The following CATSPERE variants were observed in gnomAD, a reference collection of about 807,000 sequenced individuals.
CATSPERE encodes the protein cation channel sperm-associated auxiliary subunit epsilon.
Under a neutral mutation model 114.1 loss-of-function variants are expected in CATSPERE, and 93 were observed. That is an observed-to-expected ratio of 0.81 (90% CI 0.69 to 0.97). The LOEUF is 0.97. Ranked by LOEUF, CATSPERE falls within the 50% of genes least tolerant of loss-of-function variation. The pLI, the probability that CATSPERE is intolerant of heterozygous loss-of-function variation, is 0.00. For synonymous variants in CATSPERE, 341 were observed against 384.1 expected, an observed-to-expected ratio of 0.89 and a Z score of 1.31; for missense variants, 1,058 against 1,131.6, an observed-to-expected ratio of 0.93 and a Z score of 0.93.
At position 244,560,770 on chromosome 1, in the gene CATSPERE, A is replaced by G; in HGVS notation, c.1132A>G (p.Lys378Glu). The G allele has an allele frequency of 6.2e-7, 1 of 1,614,072 alleles. No individual in the cohort carries two copies. The highest frequency in any genetic ancestry group is 1.1e-5 in the South Asian group (1 of 91,070). Residue 378 changes from lysine (K) to glutamate (E), a missense_variant, in exon 10 of 22, where the codon AAA becomes GAA. Physicochemically the swap from Lys to Glu is moderately conservative, Grantham distance 56. Coordinates refer to ENST00000366534, the MANE Select transcript of CATSPERE (RefSeq NM_001130957.2). ...CAGATTAGTAACTACCACAGAACTG[A>G]AAAACATCCTAAGTCTATCGGTGAC... is the stretch of plus-strand genomic sequence containing the variant. ...FARLVTTTEL[K>E]NILSLSVTAT...
At position 244,461,307 on chromosome 1, in the gene CATSPERE, GC is replaced by G. The variant is rs1666711822; in HGVS notation, c.-120del. On this transcript the variant is annotated 5_prime_UTR_variant, in exon 1 of 22. Coordinates refer to ENST00000366534, the MANE Select transcript of CATSPERE (RefSeq NM_001130957.2). ...CCTCGCTGGTCTTCAGGCCCGGCCC[GC>G]CCTGTCCAGAGGCGCCGGGACCCAG... 1 of 818,670 alleles carries G rather than the reference GC, an allele frequency of 1.2e-6. No homozygotes were observed. Among genetic ancestry groups the G allele is most frequent in the Non-Finnish European group, 1.7e-6 (1 of 604,502 alleles). The allele number at this position is 818,670 out of a possible 1,614,324, so 50.7% of individuals were successfully genotyped here.
At chr1:244,451,831 C>A (rs376691045), upstream of CATSPERE, 14 of 1,567,196 alleles carry the variant, frequency 8.9e-6, no homozygotes, top group African/African-American at 1.9e-4. This position sits in a 1 kb window ranked among gnomAD's most constrained non-coding sequence, Gnocchi z 6.6. Flanking sequence ...TCCAGTGACG[C>A]GAGGAGAGCC....
At chr1:244,591,793 T>G in intron 15 of CATSPERE, 62 bp downstream of exon 15, 3 of 1,010,492 alleles carry the variant, frequency 3.0e-6, no homozygotes, top group Non-Finnish European at 4.6e-6. Context: ...TACTTTACAA[T>G]CAGTACTTAT....
intron 17 of CATSPERE, chr1:244,598,595 G>T: frequency 2.8e-6 from 1 of 352,810 alleles, no homozygotes; most frequent in South Asian, 2.4e-5. Context: ...CATGGAGATT[G>T]GGCCCAGTCT....
intron 10 of CATSPERE, among the ~76,000 whole-genome samples, chr1:244,566,254 G>A (rs988645831): frequency 6.6e-6 from 1 of 151,868 alleles, no homozygotes; most frequent in Non-Finnish European, 1.5e-5. Flanking sequence ...TTATGTGGTC[G>A]ATTTTAAAAT....
At chr1:244,631,609 T>C (rs1181403203) in intron 20 of CATSPERE, among the ~76,000 whole-genome samples, 1 of 151,938 alleles carries the variant, frequency 6.6e-6, no homozygotes, top group East Asian at 1.9e-4. Flanking sequence ...AACTCGACAA[T>C]AAGAAAATAA....
intron 13 of CATSPERE, among the ~76,000 whole-genome samples, chr1:244,588,071 A>G (rs1031312841): frequency 6.6e-6 from 1 of 151,844 alleles, no homozygotes; most frequent in Non-Finnish European, 1.5e-5. Context: ...GTGCATGCCT[A>G]TAATCCCAGC....
upstream of CATSPERE, chr1:244,461,223 T>C (rs763184205): frequency 2.5e-6 from 1 of 403,044 alleles, no homozygotes; most frequent in East Asian, 3.6e-5. Flanking sequence ...GCACTCCGGC[T>C]ACTTTCAGGC....
intron 8 of CATSPERE, among the ~76,000 whole-genome samples, chr1:244,526,688 A>C (rs1572571021): frequency 6.9e-6 from 1 of 145,394 alleles, no homozygotes; most frequent in African/African-American, 2.6e-5. Context: ...TCACTCTGTC[A>C]CCCAGGCTGG....
chr1:244,558,720 C>A (rs138734757), intron 9 of CATSPERE, among the ~76,000 whole-genome samples: 233 of 152,190 alleles, frequency 1.5e-3, no homozygotes, highest in African/African-American at 5.1e-3. Flanking sequence ...TTTGGTGTAT[C>A]TTCCTCTCTT....
intron 21 of CATSPERE, among the ~76,000 whole-genome samples, chr1:244,638,893 T>C (rs61842408): frequency 0.12 from 18,358 of 152,252 alleles, 1,203 homozygotes; most frequent in African/African-American, 0.15. Flanking sequence ...CATCGTAGCT[T>C]ACCTGGATTA....
At chr1:244,611,031 A>G (rs1670659388) in intron 19 of CATSPERE, among the ~76,000 whole-genome samples, 1 of 152,168 alleles carries the variant, frequency 6.6e-6, no homozygotes, top group African/African-American at 2.4e-5. Flanking sequence ...AAGTGCTGGG[A>G]TTACAGGCGT....
intron 13 of CATSPERE, among the ~76,000 whole-genome samples, chr1:244,586,819 G>T (rs947130407): frequency 8.5e-5 from 13 of 152,146 alleles, no homozygotes; most frequent in African/African-American, 2.9e-4. Flanking sequence ...GAAGGTCAGG[G>T]GTCCTGGAGC....
intron 4 of CATSPERE, among the ~76,000 whole-genome samples, chr1:244,478,810 C>T (rs1413157456): frequency 3.3e-5 from 5 of 151,912 alleles, no homozygotes; most frequent in Admixed American, 3.3e-4. Flanking sequence ...GGCAGATCAC[C>T]TGAGGTCAGA....
upstream of CATSPERE, among the ~76,000 whole-genome samples, chr1:244,453,447 T>C (rs1042932635): frequency 2.1e-4 from 32 of 152,348 alleles, no homozygotes; most frequent in East Asian, 6.2e-3. Flanking sequence ...TTGCCTGTCT[T>C]GATGAATTGG....
At chr1:244,494,604 A>C (rs1672802448) in intron 6 of CATSPERE, among the ~76,000 whole-genome samples, 1 of 148,216 alleles carries the variant, frequency 6.7e-6, no homozygotes, top group Admixed American at 6.7e-5. Context: ...AAGTATAATA[A>C]AAAAAAAAAG....
Position 244,561,048 on chromosome 1 carries a change from C to G in CATSPERE, c.1410C>G (p.Tyr470Ter), listed in dbSNP as rs914772627. The G allele has an allele frequency of 1.1e-5, 17 of 1,612,528 alleles. No individual in the cohort carries two copies. The highest frequency in any genetic ancestry group is 1.3e-5 in the Non-Finnish European group (15 of 1,178,792). The change falls in exon 10 of 22, where the codon TAC (tyrosine) becomes TAG (stop). Residue 470 changes from tyrosine (Y) to a stop codon, truncating the protein, a stop_gained. Coordinates refer to ENST00000366534, the MANE Select transcript of CATSPERE (RefSeq NM_001130957.2). LOFTEE classifies it high-confidence loss of function. ...LWNKHSIYYC[Y>*]HNFTFTGILQ... ...ACAAGCATAGTATCTACTATTGTTA[C>G]CATAATTTCACCTTTACTGGGATTT...
At chr1:244,584,627 A>G (rs921736246) in intron 13 of CATSPERE, among the ~76,000 whole-genome samples, 6 of 151,950 alleles carry the variant, frequency 3.9e-5, no homozygotes, top group East Asian at 1.9e-4. Context: ...TCCTCTCTCT[A>G]TTACTTCTCA....
chr1:244,514,679 A>AAG (rs1676305761), intron 7 of CATSPERE, among the ~76,000 whole-genome samples: 1 of 151,984 alleles, frequency 6.6e-6, no homozygotes, highest in African/African-American at 2.4e-5. Context: ...AATACAAAAA[A>AAG]TTAGCTGGGC....
Sources: allele counts gnomAD v4.1 joint callset (sites outside exome capture counted in the v4.1 genomes callset), GRCh38; gene constraint gnomAD v4.1.1; non-coding constraint Gnocchi (gnomAD v3.1); transcripts MANE v1.5; gene names NCBI Gene and HGNC (gene_info 2026-07-23, HGNC 2026-07-21).